Variants in OTUB2 observed in about 807,000 individuals in gnomAD.
OTUB2 encodes ubiquitin thioesterase OTUB2.
In OTUB2, 21 loss-of-function variants were observed where a neutral mutation model predicts 25.1. The ratio of observed to expected loss-of-function variants is 0.84; its 90% CI spans 0.59 to 1.21. The LOEUF (loss-of-function observed/expected upper bound fraction) is 1.21. Ranked by LOEUF, OTUB2 falls within the 50% of genes most tolerant of loss-of-function variation. OTUB2 has a pLI of 0.00. For synonymous variants in OTUB2, 122 were observed against 122.8 expected (o/e 0.99, Z 0.04); for missense variants, 283 against 298.0 (o/e 0.95, Z 0.37).
chr14:94,031,587 G>A (rs547353713), intron 1 of OTUB2, among the ~76,000 whole-genome samples: 7 of 152,276 alleles, frequency 4.6e-5, no homozygotes, highest in South Asian at 4.2e-4. Context: ...CTCAGCTGGC[G>A]TTCCAGGGAT....
At chr14:94,038,021 C>A (rs1885088803) in intron 2 of OTUB2, among the ~76,000 whole-genome samples, 1 of 152,272 alleles carries the variant, frequency 6.6e-6, no homozygotes, top group Non-Finnish European at 1.5e-5. Flanking sequence ...TGGTAGGAGG[C>A]CCTGGCCGCT....
At chr14:94,030,030 G>A (rs538111000) in intron 1 of OTUB2, among the ~76,000 whole-genome samples, 1 of 152,344 alleles carries the variant, frequency 6.6e-6, no homozygotes, top group African/African-American at 2.4e-5. Flanking sequence ...CACAGAGAGG[G>A]CCACATGGGG....
At chr14:94,031,580 A>G (rs1004860338) in intron 1 of OTUB2, among the ~76,000 whole-genome samples, 3 of 152,148 alleles carry the variant, frequency 2.0e-5, no homozygotes, top group Non-Finnish European at 4.4e-5. Flanking sequence ...CTTTAATCTC[A>G]GCTGGCGTTC....
In OTUB2 at chr14:94,037,454, G is replaced by T; in HGVS notation, c.78G>T (p.Arg26Ser). 6.2e-7 allele frequency: 1 copy of T among 1,602,828 alleles called. No homozygotes were observed. Among genetic ancestry groups the T allele is most frequent in the African/African-American group, 1.3e-5 (1 of 74,742 alleles). ...LSILRDHPENRIYRRKIEELS... is the reference protein window; with the variant it reads ...LSILRDHPENSIYRRKIEELS... ...TTCTTCGGGACCATCCTGAAAACAG[G>T]ATTTACCGGAGGAAAATCGAGGTGA... The change falls in exon 2 of 6, where the codon AGG becomes AGT. Residue 26 changes from arginine to serine, a missense_variant. By Grantham distance (110) the Arg-to-Ser change is moderately radical (BLOSUM62 -1). Coordinates refer to ENST00000203664, the MANE Select transcript of OTUB2 (RefSeq NM_023112.4).
At position 94,037,882 on chromosome 14, in the gene OTUB2, C is replaced by T. The variant is rs557293541; in HGVS notation, c.99+407C>T. Among the ~76,000 whole-genome samples, 3 of 152,352 alleles carry T rather than the reference C, an allele frequency of 2.0e-5. No individual in the cohort carries two copies. In the East Asian group the frequency reaches 5.8e-4, roughly 29 times the overall value. On this transcript the variant is annotated intron_variant, in intron 2 of 5. Coordinates refer to ENST00000203664, the MANE Select transcript of OTUB2 (RefSeq NM_023112.4). ...TCAAGCCACATTCATAACTGCTGTG[C>T]TGGGAGACCTCTTGGAGGGAAAGTT...
intron 1 of OTUB2, among the ~76,000 whole-genome samples, chr14:94,033,761 T>C (rs1885001415): frequency 6.6e-6 from 1 of 152,204 alleles, no homozygotes; most frequent in Non-Finnish European, 1.5e-5. Flanking sequence ...GTATTACCTG[T>C]TTGTCCTCTT....
intron 1 of OTUB2, among the ~76,000 whole-genome samples, chr14:94,031,503 A>G (rs923606392): frequency 6.6e-6 from 1 of 152,056 alleles, no homozygotes; most frequent in Non-Finnish European, 1.5e-5. Flanking sequence ...GGCTCGGTAC[A>G]TGGATTAGGG....
chr14:94,033,709 G>C (rs1018631761), intron 1 of OTUB2, among the ~76,000 whole-genome samples: 3 of 152,242 alleles, frequency 2.0e-5, no homozygotes, highest in Non-Finnish European at 4.4e-5. Flanking sequence ...GAGGGTGCGT[G>C]AGTGGGAACG....
At chr14:94,039,729 G>A (rs998313968) in intron 3 of OTUB2, among the ~76,000 whole-genome samples, 3 of 152,196 alleles carry the variant, frequency 2.0e-5, no homozygotes, top group African/African-American at 7.2e-5. Flanking sequence ...AGGAGATGCT[G>A]ATGCTGCTGG....
chr14:94,026,512 G>T lies in OTUB2; in HGVS notation c.-26G>T. ...ACCGGATCGCTCCTCGCTGGGGCGG[G>T]ACCTGGCCTGGCGGCTCTGGTCACT... On this transcript the variant is annotated 5_prime_UTR_variant, in exon 1 of 6. Transcript: ENST00000203664. 7.7e-7 allele frequency: 1 copy of T among 1,292,396 alleles called. No homozygotes were observed. The highest frequency in any genetic ancestry group is 9.9e-7 in the Non-Finnish European group (1 of 1,014,740). The allele number at this position is 1,292,396 out of a possible 1,614,324, so 80.1% of individuals were successfully genotyped here.
intron 2 of OTUB2, among the ~76,000 whole-genome samples, chr14:94,037,802 T>C (rs1242869566): frequency 6.6e-6 from 1 of 152,236 alleles, no homozygotes; most frequent in Non-Finnish European, 1.5e-5. Context: ...AATTAAGTGG[T>C]GGCCATTTAG....
chr14:94,033,051 A>ACAGGTG (rs1884991023), intron 1 of OTUB2, among the ~76,000 whole-genome samples: 1 of 152,196 alleles, frequency 6.6e-6, no homozygotes, highest in South Asian at 2.1e-4. Context: ...AGCTGGGACT[A>ACAGGTG]CAGGTGCCCA....
At chr14:94,029,979 C>T (rs930366349) in intron 1 of OTUB2, among the ~76,000 whole-genome samples, 10 of 152,186 alleles carry the variant, frequency 6.6e-5, no homozygotes, top group African/African-American at 1.4e-4. Context: ...AAGGAGCAGC[C>T]GTGCAAAGGC....
intron 1 of OTUB2, among the ~76,000 whole-genome samples, chr14:94,032,265 C>T (rs975085223): frequency 4.6e-5 from 7 of 152,148 alleles, no homozygotes; most frequent in Non-Finnish European, 1.0e-4. Flanking sequence ...GGAGGTAGCC[C>T]ACCTGCGAGA....
chr14:94,041,139 C>T (rs1054234777), intron 3 of OTUB2, among the ~76,000 whole-genome samples: 7 of 152,212 alleles, frequency 4.6e-5, no homozygotes, highest in African/African-American at 1.7e-4. Flanking sequence ...CAGGTCTAGA[C>T]ACCTGTGAAG....
Position 94,045,939 on chromosome 14 carries a change from C to A in OTUB2, c.*17C>A. On this transcript the variant is annotated 3_prime_UTR_variant, in exon 6 of 6. Coordinates refer to ENST00000203664, the MANE Select transcript of OTUB2 (RefSeq NM_023112.4). Reference sequence around the variant, plus strand: ...AAACATTGATTAATTTTAGGCCATGCAGTGGAACCTGTCACCTAATGGGAC... The same window carrying A: ...AAACATTGATTAATTTTAGGCCATGAAGTGGAACCTGTCACCTAATGGGAC... The A allele has an allele frequency of 6.2e-7, 1 of 1,610,242 alleles. No individual in the cohort carries two copies. The highest frequency in any genetic ancestry group is 8.5e-7 in the Non-Finnish European group (1 of 1,176,640).
At chr14:94,034,941 T>C (rs1001687040) in intron 1 of OTUB2, among the ~76,000 whole-genome samples, 4 of 152,194 alleles carry the variant, frequency 2.6e-5, no homozygotes, top group African/African-American at 9.7e-5. Flanking sequence ...GTAGGATTGT[T>C]GTGACCTACC....
intron 3 of OTUB2, 67 bp downstream of exon 3, chr14:94,039,148 C>A: frequency 7.9e-7 from 1 of 1,270,732 alleles, no homozygotes. Context: ...TCAAGTCTCT[C>A]GGAGGTTTTC....
intron 1 of OTUB2, 112 bp downstream of exon 1, chr14:94,026,652 C>T (rs1884867972): frequency 1.8e-6 from 2 of 1,103,214 alleles, no homozygotes; most frequent in South Asian, 8.5e-5. Flanking sequence ...AGGCTCAGCC[C>T]CCAGCTCGCC....
Sources: allele counts gnomAD v4.1 joint callset (sites outside exome capture counted in the v4.1 genomes callset), GRCh38; gene constraint gnomAD v4.1.1; transcripts MANE v1.5; gene names NCBI Gene and HGNC (gene_info 2026-07-23, HGNC 2026-07-21).